Variants in PTPRD observed in about 807,000 individuals in gnomAD.
The protein encoded by PTPRD is protein tyrosine phosphatase receptor type D.
A neutral mutation model predicts 214.5 loss-of-function variants in PTPRD; 34 were observed. The observed-to-expected ratio is 0.16, with a 90% CI of 0.12 to 0.21. The LOEUF (loss-of-function observed/expected upper bound fraction) is 0.21, where lower values mean the gene tolerates loss of function less well. Ranked by LOEUF, PTPRD falls within the 10% of genes least tolerant of loss-of-function variation. The probability of loss-of-function intolerance (pLI) is 1.00; values close to 1 mark genes in which losing one functional copy is unlikely to be tolerated. For missense variants in PTPRD, 2,545 were observed against 2,398.7 expected, an observed-to-expected ratio of 1.06 and a Z score of -1.27; for synonymous variants, 1,128 against 845.7, an observed-to-expected ratio of 1.33 and a Z score of -5.79.
chr9:8,495,108 C>G (rs938900947), intron 26 of PTPRD, among the ~76,000 whole-genome samples: 1 of 152,178 alleles, frequency 6.6e-6, no homozygotes, highest in African/African-American at 2.4e-5. Flanking sequence ...TTATTTCCAG[C>G]TGTGACTTCC....
chr9:8,889,371 A>G (rs1290671620), intron 11 of PTPRD, among the ~76,000 whole-genome samples: 1 of 152,224 alleles, frequency 6.6e-6, no homozygotes, highest in Non-Finnish European at 1.5e-5. Context: ...ATAGTAGGCA[A>G]TATAATAGAT....
chr9:8,736,538 T>G (rs988143188), intron 11 of PTPRD, among the ~76,000 whole-genome samples: 2 of 152,158 alleles, frequency 1.3e-5, no homozygotes, highest in South Asian at 4.1e-4. Flanking sequence ...AGAATTATAA[T>G]GCAGATACCA....
At chr9:9,466,067 G>A (rs1005450898) in intron 8 of PTPRD, among the ~76,000 whole-genome samples, 2 of 152,070 alleles carry the variant, frequency 1.3e-5, no homozygotes, top group Non-Finnish European at 2.9e-5. Context: ...CCAGCACTTT[G>A]GAAGCTGAGA....
At chr9:10,521,969 T>C (rs2052472149) in intron 2 of PTPRD, among the ~76,000 whole-genome samples, 1 of 152,136 alleles carries the variant, frequency 6.6e-6, no homozygotes, top group African/African-American at 2.4e-5. Context: ...CTCTGAGGTA[T>C]GTCTGTATGG....
In PTPRD at chr9:9,821,651, G is replaced by A. The variant is rs748620969; in HGVS notation, c.-367-54800C>T. The stretch of plus-strand genomic sequence containing the variant: ...AAAAATACTGATATTGTTGCCACAC[G>A]TATTTTTAAGCATTTGTATCTATTA... On this transcript the variant is annotated intron_variant, in intron 5 of 45. Transcript: ENST00000381196. 5.3e-5 allele frequency among the ~76,000 whole-genome samples: 8 copies of A among 151,922 alleles called. No individual in the cohort carries two copies. The South Asian group carries it at 6.2e-4, about 12-fold the overall frequency.
chr9:10,027,955 T>G (rs2096961544), intron 4 of PTPRD, among the ~76,000 whole-genome samples: 2 of 152,182 alleles, frequency 1.3e-5, no homozygotes, highest in African/African-American at 4.8e-5. Flanking sequence ...TGGATTAAGT[T>G]TTTATTATTC....
At chr9:9,072,924 T>TA (rs2099745862) in intron 10 of PTPRD, among the ~76,000 whole-genome samples, 1 of 152,184 alleles carries the variant, frequency 6.6e-6, no homozygotes, top group Non-Finnish European at 1.5e-5. Context: ...TGAAGGCATA[T>TA]AAAAAATTAC....
intron 8 of PTPRD, among the ~76,000 whole-genome samples, chr9:9,410,122 T>C (rs947272980): frequency 6.6e-6 from 1 of 152,142 alleles, no homozygotes; most frequent in Non-Finnish European, 1.5e-5. Flanking sequence ...GCTAGATGTC[T>C]TTAAAGACAG....
intron 8 of PTPRD, among the ~76,000 whole-genome samples, chr9:9,447,564 G>A (rs932190250): frequency 6.6e-6 from 1 of 151,992 alleles, no homozygotes; most frequent in African/African-American, 2.4e-5. Flanking sequence ...AATAACTAAT[G>A]GGTACTGGGT....
chr9:8,758,109 G>A (rs1430695643), intron 11 of PTPRD, among the ~76,000 whole-genome samples: 1 of 152,152 alleles, frequency 6.6e-6, no homozygotes, highest in Admixed American at 6.6e-5. Flanking sequence ...AAATCAGTGA[G>A]CCACAAAAGC....
intron 39 of PTPRD, among the ~76,000 whole-genome samples, chr9:8,346,748 C>A (rs2073933868): frequency 6.6e-6 from 1 of 152,124 alleles, no homozygotes; most frequent in Non-Finnish European, 1.5e-5. Flanking sequence ...TGCCAAAAAG[C>A]AGCTGCAAAG....
chr9:9,088,701 T>C (rs906220961), intron 10 of PTPRD, among the ~76,000 whole-genome samples: 1 of 148,814 alleles, frequency 6.7e-6, no homozygotes, highest in African/African-American at 2.5e-5. Flanking sequence ...GATATTCAAA[T>C]AGAGCCTTGC....
chr9:8,319,110 G>C (rs766644455), intron 45 of PTPRD, among the ~76,000 whole-genome samples: 52 of 152,106 alleles, frequency 3.4e-4, no homozygotes, highest in Non-Finnish European at 7.4e-4. Context: ...TTTGACTATT[G>C]CAAGCCAAAC....
intron 2 of PTPRD, among the ~76,000 whole-genome samples, chr9:10,512,381 T>C (rs868074123): frequency 4.0e-5 from 6 of 151,846 alleles, no homozygotes; most frequent in South Asian, 4.2e-4. Context: ...CTGCCAAGAA[T>C]GGTGAGTTTG....
intron 5 of PTPRD, among the ~76,000 whole-genome samples, chr9:9,791,492 T>C (rs2098966935): frequency 6.6e-6 from 1 of 152,160 alleles, no homozygotes; most frequent in African/African-American, 2.4e-5. Flanking sequence ...TGTGGAATCA[T>C]AAAAGAGTCT....
intron 3 of PTPRD, among the ~76,000 whole-genome samples, chr9:10,072,238 T>A (rs1403475634): frequency 6.6e-6 from 1 of 152,072 alleles, no homozygotes; most frequent in Non-Finnish European, 1.5e-5. Context: ...ATATTTCGCA[T>A]CAGAGGAATG....
chr9:8,934,873 C>G (rs549176668), intron 11 of PTPRD, among the ~76,000 whole-genome samples: 50 of 152,028 alleles, frequency 3.3e-4, no homozygotes, highest in African/African-American at 1.2e-3. Context: ...ATTTGTCTTT[C>G]TGTGCCTGTC....
At chr9:8,590,800 G>T (rs1381835189) in intron 14 of PTPRD, among the ~76,000 whole-genome samples, 1 of 152,110 alleles carries the variant, frequency 6.6e-6, no homozygotes, top group Admixed American at 6.5e-5. Context: ...ATTAAGGTAG[G>T]TAATTAGTTT....
At chr9:10,480,094 C>T (rs1018902607) in intron 2 of PTPRD, among the ~76,000 whole-genome samples, 7 of 149,060 alleles carry the variant, frequency 4.7e-5, no homozygotes, top group African/African-American at 1.5e-4. Context: ...GTTTTATGAC[C>T]TATTTTGCTG....
Sources: allele counts gnomAD v4.1 joint callset (sites outside exome capture counted in the v4.1 genomes callset), GRCh38; gene constraint gnomAD v4.1.1; transcripts MANE v1.5; gene names NCBI Gene and HGNC (gene_info 2026-07-23, HGNC 2026-07-21).